The following TPO variants were observed in gnomAD, a reference collection of about 807,000 sequenced individuals.
The protein encoded by TPO is thyroid peroxidase.
TPO carries 78 observed loss-of-function variants against 96.9 expected under a neutral mutation model. The ratio of observed to expected loss-of-function variants is 0.81; its 90% confidence interval spans 0.67 to 0.97. The LOEUF (loss-of-function observed/expected upper bound fraction) is 0.97. Ranked by LOEUF, TPO falls within the 50% of genes least tolerant of loss-of-function variation. The pLI, the probability that TPO is intolerant of heterozygous loss-of-function variation, is 0.00. For missense variants in TPO, 1,252 were observed against 1,274.8 expected, an observed-to-expected ratio of 0.98 and a Z score of 0.27; for synonymous variants, 547 against 538.0, an observed-to-expected ratio of 1.02 and a Z score of -0.23.
chr2:1,479,193 C>T (rs1008231465), intron 8 of TPO, among the ~76,000 whole-genome samples: 6 of 152,242 alleles, frequency 3.9e-5, no homozygotes, highest in Non-Finnish European at 7.3e-5. Flanking sequence ...CGGCCACACG[C>T]GTGGGGAGGC....
intron 5 of TPO, among the ~76,000 whole-genome samples, chr2:1,443,014 T>G (rs1284542227): frequency 6.6e-6 from 1 of 152,220 alleles, no homozygotes; most frequent in Admixed American, 6.5e-5. Flanking sequence ...GGTCGGGGGA[T>G]CGCTTGAGCC....
chr2:1,435,762 G>A (rs964970079), intron 4 of TPO, among the ~76,000 whole-genome samples: 2 of 152,266 alleles, frequency 1.3e-5, no homozygotes, highest in Non-Finnish European at 2.9e-5. Flanking sequence ...AAGGAAAAAC[G>A]AAAGGTTTTA....
chr2:1,535,031 A>C (rs1679247003), intron 15 of TPO, among the ~76,000 whole-genome samples: 1 of 135,328 alleles, frequency 7.4e-6, no homozygotes, highest in Non-Finnish European at 1.6e-5. Context: ...AACCTCCCCA[A>C]ATCCCCCCCA....
intron 1 of TPO, among the ~76,000 whole-genome samples, chr2:1,395,891 T>C (rs1464716028): frequency 2.0e-5 from 3 of 152,226 alleles, no homozygotes; most frequent in Admixed American, 2.0e-4. Flanking sequence ...CTTAGCCTTC[T>C]GCCATGATTG....
chr2:1,415,307 G>T (rs557052984), intron 2 of TPO, among the ~76,000 whole-genome samples: 7 of 141,922 alleles, frequency 4.9e-5, no homozygotes, highest in African/African-American at 1.9e-4. Context: ...TCACTGGGCA[G>T]GTCCCTGGGC....
intron 1 of TPO, among the ~76,000 whole-genome samples, chr2:1,404,455 T>G (rs977480673): frequency 6.6e-6 from 1 of 152,190 alleles, no homozygotes; most frequent in African/African-American, 2.4e-5. Context: ...CATTTCAGAA[T>G]GTACCTGGAG....
At chr2:1,450,208 G>A (rs1331613941) in intron 5 of TPO, among the ~76,000 whole-genome samples, 2 of 152,222 alleles carry the variant, frequency 1.3e-5, no homozygotes, top group African/African-American at 4.8e-5. Context: ...CACTCAGCGT[G>A]TCCATGTGCT....
chr2:1,507,680 C>T (rs1175762030), intron 14 of TPO, among the ~76,000 whole-genome samples: 1 of 151,456 alleles, frequency 6.6e-6, no homozygotes, highest in East Asian at 1.9e-4. Flanking sequence ...ATTTGGCTCT[C>T]TGTTTGTCTG....
intron 5 of TPO, among the ~76,000 whole-genome samples, chr2:1,443,613 A>C (rs546617942): frequency 7.1e-6 from 1 of 140,092 alleles, no homozygotes; most frequent in East Asian, 2.3e-4. Flanking sequence ...TGCAGGAGGT[A>C]CCATGTTGGA....
At chr2:1,485,060 C>T (rs1048360865) in intron 9 of TPO, among the ~76,000 whole-genome samples, 2 of 151,516 alleles carry the variant, frequency 1.3e-5, no homozygotes, top group Non-Finnish European at 2.9e-5. Context: ...CTCCCCCTGA[C>T]CCCCACCCCA....
intron 8 of TPO, chr2:1,478,361 C>T (rs926952948): frequency 2.1e-5 from 21 of 985,280 alleles, no homozygotes; most frequent in African/African-American, 1.2e-4. Context: ...GGCCCTGTGG[C>T]GGCCTGGGCA....
At chr2:1,458,177 T>A (rs4927614) in intron 7 of TPO, among the ~76,000 whole-genome samples, 46,013 of 151,406 alleles carry the variant, frequency 0.3, 7,556 homozygotes, top group Admixed American at 0.35. Context: ...GTATATAGGA[T>A]ATAATATAGT....
rs373574851 is a variant in TPO, at chr2:1,447,913, C to T, written c.483-5781C>T. ...AGAGAGGGAGAGAACCTGAGTTAAA[C>T]AATTAGCCACATTTCTCTTTAAGCC... On this transcript the variant is annotated intron_variant, in intron 5 of 16. Coordinates refer to ENST00000329066, the MANE Select transcript of TPO (RefSeq NM_001206744.2). Among the ~76,000 whole-genome samples the T allele has an allele frequency of 9.8e-5, 15 of 152,304 alleles. No homozygotes were observed. The East Asian group carries it at 1.9e-3, about 20-fold the overall frequency.
chr2:1,416,030 A>G (rs1328738087), intron 2 of TPO, among the ~76,000 whole-genome samples: 1 of 152,132 alleles, frequency 6.6e-6, no homozygotes, highest in African/African-American at 2.4e-5. Context: ...TCCATGCCCC[A>G]AGGATGGGCT....
Position 1,543,039 on chromosome 2 carries a change from C to T in TPO, c.*565C>T, listed in dbSNP as rs1680917002. 1 of 192,962 alleles carries T rather than the reference C, an allele frequency of 5.2e-6. No individual in the cohort carries two copies. Among genetic ancestry groups the T allele is most frequent in the Non-Finnish European group, 1.1e-5 (1 of 92,646 alleles). The allele number at this position is 192,962 out of a possible 1,614,324, so 12.0% of individuals were successfully genotyped here. ...CTCATCCTCCAGAGATTCACCAACACATGAGCCTCAGACCCCAGGCTTCTG... is the reference window on the plus strand; with the variant it reads ...CTCATCCTCCAGAGATTCACCAACATATGAGCCTCAGACCCCAGGCTTCTG... On this transcript the variant is annotated 3_prime_UTR_variant, in exon 17 of 17. Coordinates refer to ENST00000329066, the MANE Select transcript of TPO (RefSeq NM_001206744.2).
chr2:1,468,406 G>T (rs979112636), intron 7 of TPO, among the ~76,000 whole-genome samples: 2 of 152,088 alleles, frequency 1.3e-5, no homozygotes, highest in African/African-American at 4.8e-5. Flanking sequence ...CTTGGTAGGG[G>T]TGAATTTTCT....
chr2:1,496,421 G>A (rs28991290), intron 12 of TPO, among the ~76,000 whole-genome samples, 174 bp from the exon 13 acceptor site: 4,430 of 152,276 alleles, frequency 0.029, 127 homozygotes, highest in South Asian at 0.13. Flanking sequence ...CGCGGGGCCC[G>A]ATCTGGGAAG....
chr2:1,378,864 C>A (rs2148339732), intron 1 of TPO, among the ~76,000 whole-genome samples: 1 of 152,014 alleles, frequency 6.6e-6, no homozygotes, highest in African/African-American at 2.4e-5. Flanking sequence ...GATTCTGCCT[C>A]CCCCTGTTCT....
chr2:1,418,142 C>G (rs1297833322), intron 2 of TPO, among the ~76,000 whole-genome samples: 2 of 152,140 alleles, frequency 1.3e-5, no homozygotes, highest in African/African-American at 4.8e-5. Flanking sequence ...AAAAAATTAG[C>G]TGGGCGTGGT....
Sources: allele counts gnomAD v4.1 joint callset (sites outside exome capture counted in the v4.1 genomes callset), GRCh38; gene constraint gnomAD v4.1.1; transcripts MANE v1.5; gene names NCBI Gene and HGNC (gene_info 2026-07-23, HGNC 2026-07-21).